Variants in NR6A1 observed in about 807,000 individuals in gnomAD.
NR6A1 encodes retinoic acid receptor-related testis-associated receptor.
Under a neutral mutation model 59.1 loss-of-function variants are expected in NR6A1, and 7 were observed. That is an observed-to-expected ratio of 0.12 (90% CI 0.07 to 0.22). The LOEUF is 0.22. Ranked by LOEUF, NR6A1 falls within the 10% of genes least tolerant of loss-of-function variation. The probability of loss-of-function intolerance (pLI) is 1.00; values close to 1 mark genes in which losing one functional copy is unlikely to be tolerated. For missense variants in NR6A1, 468 were observed against 611.6 expected, an observed-to-expected ratio of 0.77 and a Z score of 2.48; for synonymous variants, 243 against 236.1, an observed-to-expected ratio of 1.03 and a Z score of -0.27.
At chr9:124,558,024 C>T (rs1260457503) in intron 2 of NR6A1, among the ~76,000 whole-genome samples, 1 of 152,100 alleles carries the variant, frequency 6.6e-6, no homozygotes, top group Non-Finnish European at 1.5e-5. Context: ...TGTTATCACC[C>T]TTTTGTAAAT....
chr9:124,630,418 G>A (rs375235753), intron 2 of NR6A1, among the ~76,000 whole-genome samples: 15 of 149,964 alleles, frequency 1.0e-4, no homozygotes, highest in South Asian at 8.5e-4. Flanking sequence ...TGTATTTTTA[G>A]TAGAGACGGG....
At chr9:124,678,423 C>T (rs1838028243) in intron 2 of NR6A1, among the ~76,000 whole-genome samples, 1 of 152,206 alleles carries the variant, frequency 6.6e-6, no homozygotes, top group Non-Finnish European at 1.5e-5. Context: ...TAGCAATGTG[C>T]ACCACTGTTG....
At chr9:124,680,092 G>GTA (rs1480234743) in intron 2 of NR6A1, among the ~76,000 whole-genome samples, 5 of 105,058 alleles carry the variant, frequency 4.8e-5, no homozygotes, top group African/African-American at 1.8e-4. Flanking sequence ...GTGTATGTAT[G>GTA]TGTGTGTGTG....
intron 1 of NR6A1, among the ~76,000 whole-genome samples, chr9:124,764,359 A>T (rs934450991): frequency 7.9e-5 from 12 of 152,150 alleles, no homozygotes; most frequent in Admixed American, 1.3e-4. Flanking sequence ...CTAATCAATC[A>T]TCTCTTTTTT....
chr9:124,555,594 C>T (rs1482733684), intron 2 of NR6A1, among the ~76,000 whole-genome samples: 4 of 152,114 alleles, frequency 2.6e-5, no homozygotes, highest in African/African-American at 4.8e-5. Context: ...CCAGCCTGAG[C>T]GACGGCAAGA....
chr9:124,650,489 A>C (rs751802366), intron 2 of NR6A1, among the ~76,000 whole-genome samples: 2 of 152,170 alleles, frequency 1.3e-5, no homozygotes, highest in Non-Finnish European at 2.9e-5. Context: ...GTACAAAAAT[A>C]CAGTTAGAGA....
chr9:124,717,706 A>G (rs1839444321), intron 2 of NR6A1, among the ~76,000 whole-genome samples: 1 of 152,308 alleles, frequency 6.6e-6, no homozygotes, highest in African/African-American at 2.4e-5. Flanking sequence ...GTTTCATTGC[A>G]TGTAAGTCAC....
intron 2 of NR6A1, among the ~76,000 whole-genome samples, chr9:124,587,289 A>C (rs1417912038): frequency 6.6e-6 from 1 of 152,240 alleles, no homozygotes; most frequent in Non-Finnish European, 1.5e-5. Flanking sequence ...AAACCAAAAA[A>C]TTCGAGTGAC....
At chr9:124,755,720 G>C (rs1418184813) in intron 1 of NR6A1, among the ~76,000 whole-genome samples, 19 of 152,140 alleles carry the variant, frequency 1.2e-4, no homozygotes, top group Non-Finnish European at 2.2e-4. Context: ...TTAAGATGTG[G>C]CTCACATATA....
At chr9:124,570,940 T>C (rs1834421421) in intron 2 of NR6A1, among the ~76,000 whole-genome samples, 1 of 152,212 alleles carries the variant, frequency 6.6e-6, no homozygotes, top group African/African-American at 2.4e-5. Context: ...ATTGCAACAT[T>C]TACTCACTGA....
chr9:124,588,184 G>A (rs1224096242), intron 2 of NR6A1, among the ~76,000 whole-genome samples: 3 of 152,130 alleles, frequency 2.0e-5, no homozygotes, highest in Admixed American at 6.5e-5. Flanking sequence ...TATGATAGAT[G>A]GTTTTTCTCT....
intron 2 of NR6A1, among the ~76,000 whole-genome samples, chr9:124,634,266 T>C (rs146599421): frequency 7.3e-4 from 111 of 152,308 alleles, no homozygotes; most frequent in Non-Finnish European, 1.2e-3. Flanking sequence ...AAATGTCAGG[T>C]ACATAACAAA....
intron 2 of NR6A1, among the ~76,000 whole-genome samples, chr9:124,575,548 TG>T (rs1268071076): frequency 6.6e-6 from 1 of 152,194 alleles, no homozygotes; most frequent in Non-Finnish European, 1.5e-5. Flanking sequence ...CCTTCCAGCC[TG>T]GGTGACAGAT....
At chr9:124,668,082 T>C (rs887248769) in intron 2 of NR6A1, among the ~76,000 whole-genome samples, 2 of 152,212 alleles carry the variant, frequency 1.3e-5, no homozygotes, top group Non-Finnish European at 2.9e-5. Context: ...AATAGCCTAC[T>C]GTTGACCAGA....
chr9:124,696,180 C>T (rs753093018), intron 2 of NR6A1, among the ~76,000 whole-genome samples: 4 of 152,084 alleles, frequency 2.6e-5, no homozygotes, highest in Non-Finnish European at 4.4e-5. Flanking sequence ...ATTAGTCCAA[C>T]AGAGAGCCGT....
chr9:124,541,438 C>A (rs1210969208), intron 4 of NR6A1, among the ~76,000 whole-genome samples: 2 of 152,132 alleles, frequency 1.3e-5, no homozygotes, highest in African/African-American at 4.8e-5. Flanking sequence ...TACCTCACAC[C>A]TGTTATGTCT....
At chr9:124,706,137 C>A (rs1439543931) in intron 2 of NR6A1, among the ~76,000 whole-genome samples, 4 of 152,148 alleles carry the variant, frequency 2.6e-5, no homozygotes, top group Non-Finnish European at 4.4e-5. Flanking sequence ...CTAGGCCTCA[C>A]AACATGCATC....
chr9:124,732,122 T>C (rs1839901391), intron 2 of NR6A1, among the ~76,000 whole-genome samples: 1 of 152,196 alleles, frequency 6.6e-6, no homozygotes, highest in Non-Finnish European at 1.5e-5. Flanking sequence ...CATGGACATT[T>C]ATACTAATAA....
At chr9:124,560,618 T>G (rs909968848) in intron 2 of NR6A1, among the ~76,000 whole-genome samples, 1 of 152,192 alleles carries the variant, frequency 6.6e-6, no homozygotes, top group East Asian at 1.9e-4. Flanking sequence ...TGGAGTGCAA[T>G]GGCCCAATCT....
Sources: gnomAD v4.1 joint callset for allele counts (sites outside exome capture counted in the v4.1 genomes callset) on GRCh38, gnomAD v4.1.1 for gene constraint, MANE v1.5 for transcripts, NCBI Gene and HGNC (gene_info 2026-07-23, HGNC 2026-07-21) for gene names.